The following TDRD10 variants were observed in gnomAD, a reference collection of about 807,000 sequenced individuals.
The protein encoded by TDRD10 is tudor domain-containing protein 10.
Under a neutral mutation model 48.0 loss-of-function variants are expected in TDRD10, and 40 were observed. The ratio of observed to expected loss-of-function variants is 0.83; its 90% CI spans 0.65 to 1.09. The LOEUF (loss-of-function observed/expected upper bound fraction) is 1.09, where lower values mean the gene tolerates loss of function less well. Ranked by LOEUF, TDRD10 falls within the 50% of genes least tolerant of loss-of-function variation. The probability of loss-of-function intolerance (pLI) is 0.00; values close to 1 mark genes in which losing one functional copy is unlikely to be tolerated. For missense variants in TDRD10, 378 were observed against 434.7 expected, an observed-to-expected ratio of 0.87 and a Z score of 1.16; for synonymous variants, 162 against 170.4, an observed-to-expected ratio of 0.95 and a Z score of 0.38.
chr1:154,536,173 C>T (rs925874849), intron 6 of TDRD10, among the ~76,000 whole-genome samples: 3 of 152,090 alleles, frequency 2.0e-5, no homozygotes, highest in East Asian at 1.9e-4. Context: ...GTCAGGTGTT[C>T]GAGACCAGCC....
At chr1:154,530,151 A>T (rs1694533028) in intron 6 of TDRD10, among the ~76,000 whole-genome samples, 1 of 151,938 alleles carries the variant, frequency 6.6e-6, no homozygotes, top group Non-Finnish European at 1.5e-5. Flanking sequence ...AGGAGCTGGA[A>T]TTACAGGCAC....
intron 3 of TDRD10, 141 bp downstream of exon 3, chr1:154,507,461 C>G: frequency 9.8e-7 from 1 of 1,017,712 alleles, no homozygotes; most frequent in African/African-American, 1.6e-5. Flanking sequence ...TCCAGTCAGC[C>G]ACCATGTTTC....
At position 154,513,628 on chromosome 1, in the gene TDRD10, C is replaced by T. The variant is rs562928501; in HGVS notation, c.141+5147C>T. Among the ~76,000 whole-genome samples, 143 of 152,166 alleles carry T rather than the reference C, an allele frequency of 9.4e-4. 2 individuals are homozygous for T. The highest frequency in any genetic ancestry group is 9.8e-4 in the Admixed American group (15 of 15,280). On this transcript the variant is annotated intron_variant, in intron 4 of 12. Coordinates refer to ENST00000368482, the MANE Select transcript of TDRD10 (RefSeq NM_182499.4). ...AAAAATGAGATAACCAGATATGAGC[C>T]CCCTAAAAAGTGATGCAAGATAAAG... is the stretch of plus-strand genomic sequence containing the variant.
In TDRD10 at chr1:154,542,709, G is replaced by A. The variant is rs1695310988; in HGVS notation, c.413-22G>A. ...CTCTGGGTAGTTCTGGTGCCTCCAG[G>A]ACTTAGTCTTCTGCTTTCTAGCTAT... On this transcript the variant is annotated intron_variant, in intron 7 of 12. Coordinates refer to ENST00000368482, the MANE Select transcript of TDRD10 (RefSeq NM_182499.4). The A allele has an allele frequency of 1.9e-6, 3 of 1,602,414 alleles. No homozygotes were observed. The Admixed American group carries it at 5.0e-5, about 27-fold the overall frequency.
intron 6 of TDRD10, among the ~76,000 whole-genome samples, chr1:154,532,615 C>G (rs1391968035): frequency 6.6e-6 from 1 of 152,344 alleles, no homozygotes; most frequent in East Asian, 1.9e-4. Flanking sequence ...GCTGCGAGGG[C>G]TGCCAGCACG....
In TDRD10 at chr1:154,526,781, G is replaced by A. The variant is rs1162316247; in HGVS notation, c.369+5302G>A. ...TTTTTGTATTTTTTGGTATGGATGG[G>A]GTTTCACCATGTTGGCCAGGCTGGT... On this transcript the variant is annotated intron_variant, in intron 6 of 12. Coordinates refer to ENST00000368482, the MANE Select transcript of TDRD10 (RefSeq NM_182499.4). 2.0e-5 allele frequency among the ~76,000 whole-genome samples: 3 copies of A among 150,938 alleles called. No individual in the cohort carries two copies. In the South Asian group the frequency reaches 6.3e-4, roughly 32 times the overall value.
intron 11 of TDRD10, among the ~76,000 whole-genome samples, chr1:154,546,440 C>T (rs562825667): frequency 9.9e-5 from 14 of 141,746 alleles, no homozygotes; most frequent in East Asian, 2.0e-4. Flanking sequence ...ATATATATCA[C>T]GTAATATATA....
intron 12 of TDRD10, 60 bp from the exon 13 acceptor site, chr1:154,547,617 GT>G: frequency 6.2e-7 from 1 of 1,614,218 alleles, no homozygotes; most frequent in Non-Finnish European, 8.5e-7. Context: ...TATCTGAGGG[GT>G]TGGGTGAACT....
chr1:154,527,109 C>G (rs1466338944), intron 6 of TDRD10, among the ~76,000 whole-genome samples: 2 of 151,618 alleles, frequency 1.3e-5, no homozygotes, highest in African/African-American at 4.9e-5. Flanking sequence ...CAGGATTTCG[C>G]CATGTTGGGC....
intron 6 of TDRD10, among the ~76,000 whole-genome samples, chr1:154,539,578 G>A (rs1470489009): frequency 1.3e-5 from 2 of 152,172 alleles, no homozygotes; most frequent in African/African-American, 2.4e-5. Context: ...CTCCCAAAGT[G>A]CTGGGATTAC....
chr1:154,541,296 TTGG>T (rs2149350832), intron 6 of TDRD10, among the ~76,000 whole-genome samples: 1 of 147,538 alleles, frequency 6.8e-6, no homozygotes, highest in South Asian at 2.2e-4. Context: ...GGGAGAGGGG[TTGG>T]TGGTGGGGGT....
intron 9 of TDRD10, 22 bp from the exon 10 acceptor site, chr1:154,544,350 C>A: frequency 6.4e-7 from 1 of 1,566,254 alleles, no homozygotes; most frequent in South Asian, 1.2e-5. Context: ...GCAGTGGGGC[C>A]GTTGCGTTTT....
At chr1:154,516,119 ACC>A (rs1166279467) in intron 4 of TDRD10, among the ~76,000 whole-genome samples, 1 of 152,240 alleles carries the variant, frequency 6.6e-6, no homozygotes, top group Non-Finnish European at 1.5e-5. Context: ...CAGAGTGGGC[ACC>A]TAATAAGTAT....
At position 154,544,071 on chromosome 1, in the gene TDRD10, C is replaced by T. The variant is rs1396224413; in HGVS notation, c.612C>T (p.Val204=). The part of the protein sequence containing the change: ...GEAGLLVTSI[V]PKTPFFWAMH... The stretch of plus-strand genomic sequence containing the variant: ...CGGGGCTGCTGGTGACGAGTATCGT[C>T]CCGAAGACCCCGTTTTTCTGGGCTA... Residue 204 remains valine (V), a synonymous_variant, in exon 9 of 13, where the codon GTC becomes GTT. Coordinates refer to ENST00000368482, the MANE Select transcript of TDRD10 (RefSeq NM_182499.4). 3 of 1,614,184 alleles carry T rather than the reference C, an allele frequency of 1.9e-6. No homozygotes were observed. The South Asian group carries it at 3.3e-5, about 18-fold the overall frequency.
At chr1:154,535,695 A>G (rs779461590) in intron 6 of TDRD10, among the ~76,000 whole-genome samples, 2 of 152,182 alleles carry the variant, frequency 1.3e-5, no homozygotes, top group Admixed American at 1.3e-4. Context: ...AAAAAGGTTG[A>G]AAAAGACTTG....
At chr1:154,526,366 C>A (rs2149332165) in intron 6 of TDRD10, among the ~76,000 whole-genome samples, 1 of 151,916 alleles carries the variant, frequency 6.6e-6, no homozygotes, top group Middle Eastern at 3.4e-3. Flanking sequence ...CAGAGTGAGA[C>A]CCTTTCTCTA....
At chr1:154,533,167 G>A (rs561249629) in intron 6 of TDRD10, among the ~76,000 whole-genome samples, 40 of 152,240 alleles carry the variant, frequency 2.6e-4, no homozygotes, top group African/African-American at 8.9e-4. Flanking sequence ...GGTATTGGGC[G>A]ACTCATCCCA....
At chr1:154,545,859 C>CT (rs1355715354) in intron 11 of TDRD10, among the ~76,000 whole-genome samples, 2 of 150,826 alleles carry the variant, frequency 1.3e-5, no homozygotes, top group Admixed American at 1.3e-4. Context: ...CAACCTCCGC[C>CT]TCCCAAGTTC....
chr1:154,517,420 C>CTTTT (rs991043116), intron 4 of TDRD10, among the ~76,000 whole-genome samples: 3 of 138,498 alleles, frequency 2.2e-5, no homozygotes, highest in African/African-American at 2.6e-5. Flanking sequence ...GATATTAGAC[C>CTTTT]TTTTTTTTTT....
Sources: gnomAD v4.1 joint callset for allele counts (sites outside exome capture counted in the v4.1 genomes callset) on GRCh38, gnomAD v4.1.1 for gene constraint, MANE v1.5 for transcripts, NCBI Gene and HGNC (gene_info 2026-07-23, HGNC 2026-07-21) for gene names.